Variants in AGAP1 observed in about 807,000 individuals in gnomAD.
AGAP1 encodes ArfGAP with GTPase domain, ankyrin repeat and PH domain 1.
Under a neutral mutation model 105.3 loss-of-function variants are expected in AGAP1, and 29 were observed. The ratio of observed to expected loss-of-function variants is 0.28; its 90% CI spans 0.21 to 0.38. AGAP1 has a LOEUF of 0.38. Among genes scored for constraint, AGAP1 ranks in the 10% least tolerant of loss-of-function variants. The probability of loss-of-function intolerance (pLI) is 1.00; values close to 1 mark genes in which losing one functional copy is unlikely to be tolerated. For synonymous variants in AGAP1, 509 were observed against 485.9 expected (o/e 1.05, Z -0.63); for missense variants, 998 against 1,165.1 (o/e 0.86, Z 2.09).
At chr2:235,910,171 C>T (rs1193992510) in intron 11 of AGAP1, among the ~76,000 whole-genome samples, 1 of 6,944 alleles carries the variant, frequency 1.4e-4, no homozygotes, top group East Asian at 0.12. Context: ...CAAGATGGTA[C>T]AGAGGAGTTC....
At chr2:235,628,135 T>C (rs1424609344) in intron 1 of AGAP1, among the ~76,000 whole-genome samples, 5 of 152,034 alleles carry the variant, frequency 3.3e-5, no homozygotes, top group Non-Finnish European at 7.4e-5. Context: ...GACCATTGAC[T>C]GCACTGGGGT....
At chr2:235,768,400 A>G (rs114338579) in intron 6 of AGAP1, among the ~76,000 whole-genome samples, 2,985 of 152,350 alleles carry the variant, frequency 0.02, 98 homozygotes, top group African/African-American at 0.069. Flanking sequence ...TAGAATTTAT[A>G]AAGATTTTGG....
rs1942450328 is a variant in AGAP1 at position 235,517,792 on chromosome 2, T to C, written c.163+22943T>C. On this transcript the variant is annotated intron_variant, in intron 1 of 17. Coordinates refer to ENST00000304032, the MANE Select transcript of AGAP1 (RefSeq NM_001037131.3). This position sits in a 1 kb window ranked among gnomAD's most constrained non-coding sequence, Gnocchi z 4.1. ...TTTCTACTAAAAATACAAAAATTAGTCAGACATGGTGGCGTGTGCCTGTAA... is the reference window on the plus strand; with the variant it reads ...TTTCTACTAAAAATACAAAAATTAGCCAGACATGGTGGCGTGTGCCTGTAA... 6.6e-6 allele frequency among the ~76,000 whole-genome samples: 1 copy of C among 151,622 alleles called. No homozygotes were observed. The highest frequency in any genetic ancestry group is 6.6e-5 in the Admixed American group (1 of 15,242).
intron 9 of AGAP1, among the ~76,000 whole-genome samples, chr2:235,812,335 C>G (rs552294524): frequency 6.6e-6 from 1 of 152,340 alleles, no homozygotes; most frequent in South Asian, 2.1e-4. Context: ...CCCGCCGCAC[C>G]CGCCATCGGG....
Position 235,968,489 on chromosome 2 carries a change from C to T in AGAP1, c.1511C>T (p.Ser504Phe). 1 of 1,610,258 alleles carries T rather than the reference C, an allele frequency of 6.2e-7. No individual in the cohort carries two copies. The change falls in exon 13 of 18, where the codon TCC (serine) becomes TTC (phenylalanine). Residue 504 changes from serine (S) to phenylalanine (F), a missense_variant. By Grantham distance (155) the Ser-to-Phe change is radical. Around this residue, in one of 3 missense-constraint regions of AGAP1, gnomAD observed 735 missense variants for 833.4 expected, o/e 0.88. Transcript: ENST00000304032. Reference sequence around the variant, plus strand: ...ACAGGGCTGGGTGACTCCGTATGCTCCAGCCCCAGTATCTCCAGCACCACC... The same window carrying T: ...ACAGGGCTGGGTGACTCCGTATGCTTCAGCCCCAGTATCTCCAGCACCACC... ...SDTGLGDSVC[S>F]SPSISSTTSP... is the part of the protein sequence containing the mutation.
At chr2:235,823,065 A>G (rs1958885845) in intron 9 of AGAP1, among the ~76,000 whole-genome samples, 2 of 152,078 alleles carry the variant, frequency 1.3e-5, no homozygotes, top group Non-Finnish European at 2.9e-5. Flanking sequence ...TCGTAATTTC[A>G]TTCATGAAGG....
Position 235,697,291 on chromosome 2 carries a change from A to G in AGAP1, c.164-11888A>G, listed in dbSNP as rs138060003. On this transcript the variant is annotated intron_variant, in intron 1 of 17. Transcript: ENST00000304032. ...CCCAGGCGTTCCATGTAGAGCATGG[A>G]TTTGAACCAGCATTGCCGCATCGGG... 8.8e-3 allele frequency among the ~76,000 whole-genome samples: 1,334 copies of G among 152,300 alleles called. 16 individuals are homozygous for G. Among genetic ancestry groups the G allele is most frequent in the Non-Finnish European group, 0.012 (809 of 68,014 alleles).
At chr2:236,069,312 A>G (rs1221097242) in intron 16 of AGAP1, among the ~76,000 whole-genome samples, 4 of 152,194 alleles carry the variant, frequency 2.6e-5, no homozygotes, top group Admixed American at 6.5e-5. Flanking sequence ...AATATATATC[A>G]TAAAATCTTA....
Position 236,046,172 on chromosome 2 carries a change from A to G in AGAP1, c.1892-2887A>G, listed in dbSNP as rs1361441338. ...CTGGTAAGAGCTTAGGCAAGTGGCT[A>G]TGGGGATCCAGATGTGAGTGGAGAC... On this transcript the variant is annotated intron_variant, in intron 15 of 17. Coordinates refer to ENST00000304032, the MANE Select transcript of AGAP1 (RefSeq NM_001037131.3). The surrounding 1 kb of genome is among the most constrained non-coding windows in gnomAD (Gnocchi z 5.2). 8 of 386,536 alleles carry G rather than the reference A, an allele frequency of 2.1e-5. No individual in the cohort carries two copies. The highest frequency in any genetic ancestry group is 1.2e-4 in the African/African-American group (6 of 48,084). The allele number at this position is 386,536 out of a possible 1,614,324, so 23.9% of individuals were successfully genotyped here.
chr2:235,634,850 T>A (rs1559303597), intron 1 of AGAP1, among the ~76,000 whole-genome samples: 1 of 152,146 alleles, frequency 6.6e-6, no homozygotes, highest in African/African-American at 2.4e-5. Flanking sequence ...CGAAGGAGGC[T>A]CTGTTTTGTT....
At chr2:235,538,928 ATT>A (rs11354935) in intron 1 of AGAP1, among the ~76,000 whole-genome samples, 2 of 151,884 alleles carry the variant, frequency 1.3e-5, no homozygotes, top group Non-Finnish European at 2.9e-5. Flanking sequence ...TTTTAAAGCC[ATT>A]TTTTTTTCCT....
At chr2:235,554,948 G>T (rs115084817) in intron 1 of AGAP1, among the ~76,000 whole-genome samples, 1 of 152,306 alleles carries the variant, frequency 6.6e-6, no homozygotes, top group East Asian at 1.9e-4. Flanking sequence ...AGGATTACAG[G>T]TGTGAGCCAC....
In AGAP1 at chr2:235,723,481, C is replaced by T. The variant is rs1175773432; in HGVS notation, c.310+5837C>T. 1.6e-4 allele frequency among the ~76,000 whole-genome samples: 24 copies of T among 152,182 alleles called. No individual in the cohort carries two copies. The highest frequency in any genetic ancestry group is 4.4e-5 in the Non-Finnish European group (3 of 68,038). ...CCCCCTGCAGGTGGGGAGAGTGTGG[C>T]GTCCTCCTGAGATCTTTTCAGGTTG... On this transcript the variant is annotated intron_variant, in intron 3 of 17. Transcript: ENST00000304032. This position sits in a 1 kb window ranked among gnomAD's most constrained non-coding sequence, Gnocchi z 6.2.
In AGAP1 at chr2:235,900,766, C is replaced by T. The variant is rs1003222197; in HGVS notation, c.1156-7972C>T. Among the ~76,000 whole-genome samples, 1 of 152,138 alleles carries T rather than the reference C, an allele frequency of 6.6e-6. No individual in the cohort carries two copies. Among genetic ancestry groups the T allele is most frequent in the Non-Finnish European group, 1.5e-5 (1 of 68,030 alleles). On this transcript the variant is annotated intron_variant, in intron 10 of 17. Transcript: ENST00000304032. This position sits in a 1 kb window ranked among gnomAD's most constrained non-coding sequence, Gnocchi z 5.5. ...GAATTCCATAAGCATGAGCTGTTTGCCTCTGTGCATGCTACACATCTGATT... is the reference window on the plus strand; with the variant it reads ...GAATTCCATAAGCATGAGCTGTTTGTCTCTGTGCATGCTACACATCTGATT...
chr2:235,684,198 C>A (rs988354626), intron 1 of AGAP1, among the ~76,000 whole-genome samples: 1 of 152,108 alleles, frequency 6.6e-6, no homozygotes, highest in African/African-American at 2.4e-5. Context: ...GCCGCCACCA[C>A]GCCTGGCTAA....
At chr2:236,085,240 A>AT (rs1436013271) in intron 16 of AGAP1, among the ~76,000 whole-genome samples, 36 of 149,578 alleles carry the variant, frequency 2.4e-4, no homozygotes, top group Non-Finnish European at 3.7e-4. Context: ...AAAAAAAAAA[A>AT]TTTTTATTTA....
intron 9 of AGAP1, among the ~76,000 whole-genome samples, chr2:235,863,165 C>T (rs1362347865): frequency 6.6e-6 from 1 of 152,206 alleles, no homozygotes; most frequent in South Asian, 2.1e-4. Flanking sequence ...GGAGTGGTCC[C>T]TACTGTCCAT....
intron 9 of AGAP1, among the ~76,000 whole-genome samples, chr2:235,853,594 T>G (rs2048565836): frequency 6.6e-6 from 1 of 152,206 alleles, no homozygotes; most frequent in Admixed American, 6.5e-5. Flanking sequence ...ATGGTAATTA[T>G]TTGGGGACTT....
intron 11 of AGAP1, among the ~76,000 whole-genome samples, chr2:235,911,575 T>C (rs1193085743): frequency 6.6e-6 from 1 of 152,214 alleles, no homozygotes; most frequent in Non-Finnish European, 1.5e-5. Context: ...GAAACACTAA[T>C]GTGTGATTTT....
Sources: gnomAD v4.1 joint callset for allele counts (sites outside exome capture counted in the v4.1 genomes callset) on GRCh38, gnomAD v4.1.1 for gene constraint, gnomAD v4.1.1 regional missense constraint, Gnocchi (gnomAD v3.1) non-coding constraint, MANE v1.5 for transcripts, NCBI Gene and HGNC (gene_info 2026-07-23, HGNC 2026-07-21) for gene names.